FGD6: variants seen among roughly 807,000 people sequenced by gnomAD.
FGD6 encodes FYVE, RhoGEF and PH domain containing 6, also known as FYVE, RhoGEF and PH domain-containing protein 6.
A neutral mutation model predicts 149.4 loss-of-function variants in FGD6; 90 were observed. The ratio of observed to expected loss-of-function variants is 0.60; its 90% CI spans 0.51 to 0.72. FGD6 has a LOEUF of 0.72. Among genes scored for constraint, FGD6 ranks in the 30% least tolerant of loss-of-function variants. The pLI is 0.00. For synonymous variants in FGD6, 527 were observed against 584.0 expected (o/e 0.90, Z 1.41); for missense variants, 1,437 against 1,684.8 (o/e 0.85, Z 2.57).
chr12:95,170,287 T>TAAC (rs1880952611), intron 3 of FGD6, among the ~76,000 whole-genome samples: 1 of 152,188 alleles, frequency 6.6e-6, no homozygotes, highest in Admixed American at 6.6e-5. Flanking sequence ...TCATAGCTTG[T>TAAC]AACACTCTGA....
rs781601993 is a variant in FGD6, at chr12:95,084,652, T to A, written c.4108-6A>T. On this transcript the variant is annotated splice_region_variant and splice_polypyrimidine_tract_variant and intron_variant, in intron 19 of 20. Transcript: ENST00000343958. ...CTCTCCAAAGCGGCCACGTCCTAAT[T>A]TAAAAACATACAAATGGAGAAAAGT... is the stretch of plus-strand genomic sequence containing the variant. 2 of 1,565,930 alleles carry A rather than the reference T, an allele frequency of 1.3e-6. No individual in the cohort carries two copies. Among genetic ancestry groups the A allele is most frequent in the Non-Finnish European group, 1.7e-6 (2 of 1,164,922 alleles).
intron 1 of FGD6, 95 bp from the exon 2 acceptor site, chr12:95,211,362 T>C (rs1353854841): frequency 1.4e-6 from 2 of 1,416,968 alleles, no homozygotes; most frequent in Non-Finnish European, 1.9e-6. Context: ...TTTAACAATA[T>C]GACCTTGCCT....
At chr12:95,183,046 T>C (rs543444201) in intron 2 of FGD6, among the ~76,000 whole-genome samples, 17 of 152,234 alleles carry the variant, frequency 1.1e-4, no homozygotes, top group Non-Finnish European at 2.4e-4. Context: ...CTCTTGATTG[T>C]GAGTCAGCAC....
chr12:95,126,639 G>A (rs761991101), intron 8 of FGD6, among the ~76,000 whole-genome samples: 48 of 151,162 alleles, frequency 3.2e-4, no homozygotes, highest in Non-Finnish European at 6.3e-4. Context: ...GCTGAGGCAA[G>A]AGAACTGCTT....
At chr12:95,183,265 G>A (rs1407302262) in intron 2 of FGD6, among the ~76,000 whole-genome samples, 3 of 152,138 alleles carry the variant, frequency 2.0e-5, no homozygotes, top group African/African-American at 7.2e-5. Context: ...TTAGTTCCCT[G>A]CCAGTCAGCA....
chr12:95,141,148 G>A (rs555990421), intron 6 of FGD6, among the ~76,000 whole-genome samples: 14 of 152,272 alleles, frequency 9.2e-5, no homozygotes, highest in African/African-American at 2.4e-4. Context: ...GCTGGAACCC[G>A]GGAGGCAGAG....
At chr12:95,176,712 A>G (rs1184527767) in intron 2 of FGD6, among the ~76,000 whole-genome samples, 3 of 152,208 alleles carry the variant, frequency 2.0e-5, no homozygotes, top group Non-Finnish European at 4.4e-5. Context: ...GCTAGTTTCT[A>G]TATATTTACA....
At chr12:95,164,523 C>T (rs575381451) in intron 3 of FGD6, among the ~76,000 whole-genome samples, 5 of 152,184 alleles carry the variant, frequency 3.3e-5, no homozygotes, top group South Asian at 2.1e-4. Flanking sequence ...CTCCACCTCC[C>T]GGGTTCAAGC....
chr12:95,150,245 T>C (rs1364890914), intron 5 of FGD6, among the ~76,000 whole-genome samples: 1 of 152,116 alleles, frequency 6.6e-6, no homozygotes, highest in Non-Finnish European at 1.5e-5. Context: ...TCAGGCTGTC[T>C]CGAACTCCTG....
At chr12:95,216,585 T>C (rs2056790134) in intron 1 of FGD6, among the ~76,000 whole-genome samples, 1 of 144,452 alleles carries the variant, frequency 6.9e-6, no homozygotes, top group Non-Finnish European at 1.5e-5. Context: ...GGGAAAGAAC[T>C]ATGGGAGGCA....
At position 95,210,135 on chromosome 12, in the gene FGD6, T is replaced by C; in HGVS notation, c.1149A>G (p.Lys383=). ...EQVDKMKLGN[K]SELNMESNSD... The stretch of plus-strand genomic sequence containing the variant: ...TGTTGGATTCCATATTCAATTCACT[T>C]TTATTTCCTAGCTTCATTTTATCCA... Residue 383 remains lysine, a synonymous_variant, in exon 2 of 21, where the codon AAA becomes AAG. Coordinates refer to ENST00000343958, the MANE Select transcript of FGD6 (RefSeq NM_018351.4). The C allele has an allele frequency of 6.2e-7, 1 of 1,614,092 alleles. No homozygotes were observed. Among genetic ancestry groups the C allele is most frequent in the Non-Finnish European group, 8.5e-7 (1 of 1,180,008 alleles).
At chr12:95,116,783 T>C (rs974801719) in intron 8 of FGD6, 1 of 455,568 alleles carries the variant, frequency 2.2e-6, no homozygotes, top group South Asian at 1.6e-5. Context: ...CATCCATCCA[T>C]CCATTCATGT....
At chr12:95,168,364 A>G (rs1880886482) in intron 3 of FGD6, among the ~76,000 whole-genome samples, 1 of 152,208 alleles carries the variant, frequency 6.6e-6, no homozygotes, top group Non-Finnish European at 1.5e-5. Context: ...GCTTATTTTC[A>G]TAAAAATCGT....
At chr12:95,180,094 G>T (rs71435753) in intron 2 of FGD6, among the ~76,000 whole-genome samples, 1 of 123,588 alleles carries the variant, frequency 8.1e-6, no homozygotes, top group Non-Finnish European at 1.7e-5. Flanking sequence ...AAAAAAAAAA[G>T]GAGGTAGATC....
At chr12:95,100,545 G>C (rs905961490) in intron 14 of FGD6, 1 of 347,842 alleles carries the variant, frequency 2.9e-6, no homozygotes, top group Non-Finnish European at 5.4e-6. Context: ...CCAACTCGGA[G>C]GCTAATCGCA....
chr12:95,184,275 T>C (rs1881364363), intron 2 of FGD6, among the ~76,000 whole-genome samples: 1 of 152,120 alleles, frequency 6.6e-6, no homozygotes, highest in South Asian at 2.1e-4. Flanking sequence ...GATTTCCCAC[T>C]AACATGGGGG....
chr12:95,129,291 G>GCATGCATGCATC (rs1565903431), intron 8 of FGD6, among the ~76,000 whole-genome samples: 1 of 142,268 alleles, frequency 7.0e-6, no homozygotes, highest in Admixed American at 7.1e-5. Context: ...ATGCATCCAT[G>GCATGCATGCATC]CATCCATGCA....
chr12:95,190,251 C>G (rs1881549794), intron 2 of FGD6, among the ~76,000 whole-genome samples: 1 of 152,182 alleles, frequency 6.6e-6, no homozygotes, highest in Admixed American at 6.5e-5. Context: ...CTCACTGCAA[C>G]CTCCGCCTCC....
chr12:95,162,698 A>C (rs368902160), intron 3 of FGD6, among the ~76,000 whole-genome samples: 1 of 152,202 alleles, frequency 6.6e-6, no homozygotes, highest in Non-Finnish European at 1.5e-5. Context: ...GAAAGGCTTC[A>C]CAAAGAATAA....
Sources: allele counts gnomAD v4.1 joint callset (sites outside exome capture counted in the v4.1 genomes callset), GRCh38; gene constraint gnomAD v4.1.1; transcripts MANE v1.5; gene names NCBI Gene and HGNC (gene_info 2026-07-23, HGNC 2026-07-21).